SUSD1: variants seen among roughly 807,000 people sequenced by gnomAD.
SUSD1 encodes sushi domain-containing protein 1.
Under a neutral mutation model 86.9 loss-of-function variants are expected in SUSD1, and 65 were observed. The ratio of observed to expected loss-of-function variants is 0.75; its 90% CI spans 0.61 to 0.92. SUSD1 has a LOEUF of 0.92. Among genes scored for constraint, SUSD1 ranks in the 40% least tolerant of loss-of-function variants. The probability of loss-of-function intolerance (pLI) is 0.00; values close to 1 mark genes in which losing one functional copy is unlikely to be tolerated. For synonymous variants in SUSD1, 346 were observed against 350.0 expected, an observed-to-expected ratio of 0.99 and a Z score of 0.13; for missense variants, 850 against 929.7, an observed-to-expected ratio of 0.91 and a Z score of 1.11.
intron 15 of SUSD1, among the ~76,000 whole-genome samples, chr9:112,049,126 T>C (rs1448095948): frequency 6.6e-6 from 1 of 152,146 alleles, no homozygotes; most frequent in Non-Finnish European, 1.5e-5. Flanking sequence ...GATTTGCCCG[T>C]CATCCCTGCT....
chr9:112,152,808 G>A (rs1261162099), intron 2 of SUSD1, among the ~76,000 whole-genome samples: 1 of 136,238 alleles, frequency 7.3e-6, no homozygotes, highest in African/African-American at 2.8e-5. Context: ...AGGCTGGAGT[G>A]CAGTGGTGTG....
chr9:112,069,303 A>G (rs1829145516), intron 12 of SUSD1, among the ~76,000 whole-genome samples: 1 of 152,226 alleles, frequency 6.6e-6, no homozygotes, highest in East Asian at 1.9e-4. Flanking sequence ...CGGCATTGCC[A>G]GGTGTCCCAG....
At chr9:112,170,153 G>C (rs990426121) in intron 1 of SUSD1, among the ~76,000 whole-genome samples, 1 of 152,180 alleles carries the variant, frequency 6.6e-6, no homozygotes, top group Non-Finnish European at 1.5e-5. Flanking sequence ...ACAAGCCATG[G>C]TGGGCATCTT....
rs1307996710 is a variant in SUSD1, at chr9:112,175,145, G to A, written c.91C>T (p.Pro31Ser). The A allele has an allele frequency of 8.4e-6, 9 of 1,067,518 alleles. No homozygotes were observed. In the African/African-American group the frequency reaches 1.2e-4, roughly 14 times the overall value. 66.1% of individuals were successfully genotyped at this position (1,067,518 alleles called of 1,614,324 possible). The part of the protein sequence containing the change: ...LGLARGAAGA[P>S]GPDGLDVCAT... ...AGCCCGCACTCACCGTCGGGGCCCGGCGCTCCCGCGGCGCCGCGGGCCAGG... is the reference window on the plus strand; with the variant it reads ...AGCCCGCACTCACCGTCGGGGCCCGACGCTCCCGCGGCGCCGCGGGCCAGG... Residue 31 changes from proline to serine, a missense_variant, in exon 1 of 17, where the codon CCG becomes TCG. By Grantham distance (74) the Pro-to-Ser change is moderately conservative. Transcript: ENST00000374270. This position sits in a 1 kb window ranked among gnomAD's most constrained non-coding sequence, Gnocchi z 4.7.
intron 1 of SUSD1, among the ~76,000 whole-genome samples, chr9:112,166,003 T>C (rs1382921597): frequency 1.0e-5 from 1 of 100,398 alleles, no homozygotes; most frequent in Non-Finnish European, 2.1e-5. Flanking sequence ...GAAAATAATT[T>C]AGCATAAGTA....
chr9:112,173,846 G>T, intron 1 of SUSD1: 1 of 300,174 alleles, frequency 3.3e-6, no homozygotes, highest in South Asian at 3.6e-5. Flanking sequence ...CAAACCGCAT[G>T]TTTGTCAGGA....
At chr9:112,115,380 G>A (rs1161616728) in intron 6 of SUSD1, among the ~76,000 whole-genome samples, 1 of 152,182 alleles carries the variant, frequency 6.6e-6, no homozygotes, top group Non-Finnish European at 1.5e-5. Flanking sequence ...ATCAATGGAG[G>A]CAGAGAGGGA....
At position 112,100,857 on chromosome 9, in the gene SUSD1, G is replaced by GACACACACACACACACAC. The variant is rs5899985; in HGVS notation, c.1281+1301_1281+1318dup. Among the ~76,000 whole-genome samples, 872 of 140,468 alleles carry GACACACACACACACACAC rather than the reference G, an allele frequency of 6.2e-3. 7 individuals are homozygous for GACACACACACACACACAC. The highest frequency in any genetic ancestry group is 0.019 in the African/African-American group (710 of 37,022). 92.2% of individuals were successfully genotyped at this position (140,468 alleles called of 152,430 possible). On this transcript the variant is annotated intron_variant, in intron 9 of 16. Transcript: ENST00000374270. ...AAAAAAAACAAAAAAATTGTACCTG[G>GACACACACACACACACAC]ACACACACACACACACACACACACA... is the stretch of plus-strand genomic sequence containing the variant.
Position 112,062,935 on chromosome 9 carries a change from A to C in SUSD1, c.1850+2T>G, listed in dbSNP as rs561622128. The C allele has an allele frequency of 6.3e-7, 1 of 1,596,910 alleles. No individual in the cohort carries two copies. Among genetic ancestry groups the C allele is most frequent in the Non-Finnish European group, 8.6e-7 (1 of 1,165,742 alleles). The stretch of plus-strand genomic sequence containing the variant: ...AACCGTGGAGAAAGGACAGCTACTG[A>C]CCTGATTGGTCCATTTTTCTCCTTG... On this transcript the variant is annotated splice_donor_variant, in intron 13 of 16. Coordinates refer to ENST00000374270, the MANE Select transcript of SUSD1 (RefSeq NM_022486.5). LOFTEE classifies it high-confidence loss of function.
intron 5 of SUSD1, chr9:112,137,902 A>T (rs942985773): frequency 5.3e-5 from 8 of 152,142 alleles, no homozygotes; most frequent in African/African-American, 1.7e-4. Flanking sequence ...CATTAAAAAA[A>T]TTTCTTTCAA....
chr9:112,053,450 G>A (rs1161217619), intron 14 of SUSD1, among the ~76,000 whole-genome samples: 3 of 146,418 alleles, frequency 2.0e-5, no homozygotes, highest in Non-Finnish European at 4.4e-5. Context: ...AGGAGGCGGA[G>A]GTGCAGTGAG....
intron 6 of SUSD1, among the ~76,000 whole-genome samples, chr9:112,115,533 G>A (rs1049004870): frequency 6.6e-6 from 1 of 152,144 alleles, no homozygotes; most frequent in African/African-American, 2.4e-5. Flanking sequence ...CCAAGTGGGT[G>A]CGGTGGCTCA....
chr9:112,080,150 CT>C lies in SUSD1; in HGVS notation c.1489del (p.Ser497ValfsTer11). 1.2e-6 allele frequency: 2 copies of C among 1,612,722 alleles called. No homozygotes were observed. Among genetic ancestry groups the C allele is most frequent in the Non-Finnish European group, 1.7e-6 (2 of 1,178,900 alleles). ...GGTTTCATTAAATCCTGAAATGTTACTGATGGTCTGTTTTACTGTAGTGGAA... is the reference window on the plus strand; with the variant it reads ...GGTTTCATTAAATCCTGAAATGTTACGATGGTCTGTTTTACTGTAGTGGAA... Reference protein sequence around the residue: ...ATPPAVKQTISNISGFNETCL... With the variant: ...ATPPAVKQTIXNISGFNETCL... On this transcript the variant is annotated frameshift_variant, in exon 11 of 17. Coordinates refer to ENST00000374270, the MANE Select transcript of SUSD1 (RefSeq NM_022486.5). LOFTEE classifies it high-confidence loss of function.
chr9:112,128,595 T>C (rs746196220), intron 5 of SUSD1, among the ~76,000 whole-genome samples: 4 of 151,742 alleles, frequency 2.6e-5, no homozygotes, highest in Non-Finnish European at 5.9e-5. Flanking sequence ...AGTTTCATCA[T>C]GTTGGCCAGG....
intron 12 of SUSD1, among the ~76,000 whole-genome samples, chr9:112,066,650 C>T (rs566487420): frequency 3.3e-5 from 5 of 152,248 alleles, no homozygotes; most frequent in East Asian, 3.9e-4. Flanking sequence ...CGAGTCCGTA[C>T]GTGTTGTCTT....
intron 5 of SUSD1, among the ~76,000 whole-genome samples, chr9:112,132,761 A>G (rs1832085476): frequency 6.6e-6 from 1 of 152,234 alleles, no homozygotes; most frequent in Non-Finnish European, 1.5e-5. Flanking sequence ...CCTTTGGATT[A>G]TAAACATTAT....
In SUSD1 at chr9:112,052,227, C is replaced by T. The variant is rs918109509; in HGVS notation, c.2149+172G>A. 3.3e-6 allele frequency: 5 copies of T among 1,532,866 alleles called. No individual in the cohort carries two copies. The African/African-American group carries it at 6.9e-5, about 21-fold the overall frequency. The allele number at this position is 1,532,866 out of a possible 1,614,324, so 95.0% of individuals were successfully genotyped here. ...GCTCTTTGTATAATTCCATAAGCTC[C>T]CATCCACTCACCCTCCTCCCATTTT... On this transcript the variant is annotated intron_variant, in intron 15 of 16. Coordinates refer to ENST00000374270, the MANE Select transcript of SUSD1 (RefSeq NM_022486.5).
At chr9:112,120,069 A>T (rs2131674353) in intron 6 of SUSD1, among the ~76,000 whole-genome samples, 1 of 152,272 alleles carries the variant, frequency 6.6e-6, no homozygotes, top group East Asian at 1.9e-4. Flanking sequence ...AAATACACAG[A>T]GGCAGGAGGA....
chr9:112,042,972 A>G (rs1179513331), intron 15 of SUSD1, among the ~76,000 whole-genome samples: 1 of 152,224 alleles, frequency 6.6e-6, no homozygotes, highest in East Asian at 1.9e-4. Context: ...TATAACCGTG[A>G]AAAAGATCTG....
Sources: gnomAD v4.1 joint callset for allele counts (sites outside exome capture counted in the v4.1 genomes callset) on GRCh38, gnomAD v4.1.1 for gene constraint, Gnocchi (gnomAD v3.1) non-coding constraint, MANE v1.5 for transcripts, NCBI Gene and HGNC (gene_info 2026-07-23, HGNC 2026-07-21) for gene names.